FAM83B: variants seen among roughly 807,000 people sequenced by gnomAD.
FAM83B encodes the protein scaffolding CK1 anchoring protein B.
A neutral mutation model predicts 38.8 loss-of-function variants in FAM83B; 26 were observed. That is an observed-to-expected ratio of 0.67 (90% CI 0.49 to 0.93). The LOEUF is 0.93. Among genes scored for constraint, FAM83B ranks in the 40% least tolerant of loss-of-function variants. FAM83B has a pLI of 0.00. For missense variants in FAM83B, 1,237 were observed against 1,197.3 expected, an observed-to-expected ratio of 1.03 and a Z score of -0.49; for synonymous variants, 419 against 423.1, an observed-to-expected ratio of 0.99 and a Z score of 0.12.
chr6:54,859,186 T>G (rs994993330), intron 1 of FAM83B, among the ~76,000 whole-genome samples: 6 of 151,840 alleles, frequency 4.0e-5, no homozygotes, highest in Non-Finnish European at 5.9e-5. Context: ...CGCAGCCTCC[T>G]GAGTAGCTGG....
chr6:54,884,803 A>C (rs1465044436), intron 2 of FAM83B, among the ~76,000 whole-genome samples: 3 of 146,638 alleles, frequency 2.0e-5, no homozygotes, highest in Non-Finnish European at 4.5e-5. Context: ...AACGGAGTCT[A>C]GCTCTGTCGC....
At chr6:54,907,362 A>G (rs80028192) in intron 2 of FAM83B, among the ~76,000 whole-genome samples, 3,799 of 151,872 alleles carry the variant, frequency 0.025, 67 homozygotes, top group Middle Eastern at 0.075. Flanking sequence ...ATAAACAACC[A>G]CAAAGCTTTA....
At position 54,940,064 on chromosome 6, in the gene FAM83B, A is replaced by G. The variant is rs139474742; in HGVS notation, c.1093A>G (p.Asn365Asp). The G allele has an allele frequency of 7.4e-6, 12 of 1,613,918 alleles. No homozygotes were observed. Among genetic ancestry groups the G allele is most frequent in the Middle Eastern group, 1.6e-4 (1 of 6,080 alleles). The change falls in exon 5 of 5, where the codon AAC becomes GAC. Residue 365 changes from asparagine (N) to aspartate (D), a missense_variant. Asn to Asp is a conservative substitution (Grantham distance 23, BLOSUM62 1). Transcript: ENST00000306858. ...CGGATACAAACCTCATTTTGTTCCT[A>G]ACTTTAATGGTCCAAACGCAATACG... Reference protein sequence around the residue: ...SHGYKPHFVPNFNGPNAIRQF... With the variant: ...SHGYKPHFVPDFNGPNAIRQF...
Position 54,888,318 on chromosome 6 carries a change from T to A in FAM83B, c.444+17628T>A, listed in dbSNP as rs1277676165. ...ATATTCATTAGTTATATATACATAT[T>A]CACTTTAGCCAGAACAGCCAGTGCT... On this transcript the variant is annotated intron_variant, in intron 2 of 4. Coordinates refer to ENST00000306858, the MANE Select transcript of FAM83B (RefSeq NM_001010872.3). Among the ~76,000 whole-genome samples the A allele has an allele frequency of 3.9e-5, 6 of 151,978 alleles. No homozygotes were observed. The East Asian group carries it at 1.2e-3, about 29-fold the overall frequency.
In FAM83B at chr6:54,940,944, A is replaced by C. The variant is rs780276322; in HGVS notation, c.1973A>C (p.Asn658Thr). Residue 658 changes from asparagine (N) to threonine (T), a missense_variant, in exon 5 of 5, where the codon AAT becomes ACT. Asn to Thr is a moderately conservative substitution (Grantham distance 65). Coordinates refer to ENST00000306858, the MANE Select transcript of FAM83B (RefSeq NM_001010872.3). ...TENLKNQQTE[N>T]LLKRRSFPLF... ...AATCTAAAGAATCAACAGACTGAGAATCTACTTAAAAGGCGAAGTTTCCCG... is the reference window on the plus strand; with the variant it reads ...AATCTAAAGAATCAACAGACTGAGACTCTACTTAAAAGGCGAAGTTTCCCG... 1 of 1,613,470 alleles carries C rather than the reference A, an allele frequency of 6.2e-7. No individual in the cohort carries two copies. Among genetic ancestry groups the C allele is most frequent in the Non-Finnish European group, 8.5e-7 (1 of 1,179,870 alleles).
chr6:54,894,312 CTT>C (rs956425141), intron 2 of FAM83B, among the ~76,000 whole-genome samples: 16 of 147,592 alleles, frequency 1.1e-4, no homozygotes, highest in Non-Finnish European at 1.4e-4. Context: ...GTCCTAGGAA[CTT>C]TTTTTTTTTC....
intron 2 of FAM83B, among the ~76,000 whole-genome samples, chr6:54,900,031 T>C (rs1581910344): frequency 6.6e-6 from 1 of 152,332 alleles, no homozygotes; most frequent in Admixed American, 6.5e-5. Flanking sequence ...TATAGTTTAG[T>C]GATGATTACA....
rs1771330903 is a variant in FAM83B at position 54,852,596 on chromosome 6, A to G, written c.-61+5770A>G. 2.0e-5 allele frequency among the ~76,000 whole-genome samples: 3 copies of G among 152,364 alleles called. No homozygotes were observed. The South Asian group carries it at 6.2e-4, about 32-fold the overall frequency. On this transcript the variant is annotated intron_variant, in intron 1 of 4. Coordinates refer to ENST00000306858, the MANE Select transcript of FAM83B (RefSeq NM_001010872.3). ...ATGTTCAAGGGAATGGAAGAGTTGC[A>G]TGCCCTCATTTTAAATCAAAAGCTA...
intron 2 of FAM83B, among the ~76,000 whole-genome samples, chr6:54,884,838 T>TG (rs1196309400): frequency 6.6e-6 from 1 of 151,424 alleles, no homozygotes; most frequent in Admixed American, 6.6e-5. Context: ...AGTGGTGAGA[T>TG]CTGGGCTCAC....
chr6:54,878,073 C>A (rs568996373), intron 2 of FAM83B, among the ~76,000 whole-genome samples: 1 of 152,062 alleles, frequency 6.6e-6, no homozygotes, highest in African/African-American at 2.4e-5. Flanking sequence ...AAAGGAAATG[C>A]GTTTCTGAGT....
intron 2 of FAM83B, among the ~76,000 whole-genome samples, chr6:54,924,212 C>T (rs900719663): frequency 2.0e-5 from 3 of 151,482 alleles, no homozygotes; most frequent in South Asian, 4.2e-4. Context: ...CACACACACA[C>T]ACACGCACAC....
At chr6:54,918,519 T>C (rs1773097136) in intron 2 of FAM83B, among the ~76,000 whole-genome samples, 1 of 152,114 alleles carries the variant, frequency 6.6e-6, no homozygotes, top group African/African-American at 2.4e-5. Context: ...AAACATGTCC[T>C]CTTCACATGG....
intron 1 of FAM83B, among the ~76,000 whole-genome samples, chr6:54,867,533 T>G (rs934102476): frequency 2.6e-5 from 4 of 152,108 alleles, no homozygotes; most frequent in African/African-American, 9.6e-5. Context: ...TTGTATGTTT[T>G]GTATAATATA....
At chr6:54,931,133 C>T (rs549371862) in intron 4 of FAM83B, among the ~76,000 whole-genome samples, 1 of 152,208 alleles carries the variant, frequency 6.6e-6, no homozygotes, top group South Asian at 2.1e-4. Context: ...CCATTGATTT[C>T]TAGTTGTGTT....
At chr6:54,904,955 T>A (rs1336260400) in intron 2 of FAM83B, among the ~76,000 whole-genome samples, 2 of 151,812 alleles carry the variant, frequency 1.3e-5, no homozygotes, top group Non-Finnish European at 2.9e-5. Context: ...GGATGGGAGA[T>A]CAACGATCTG....
Position 54,926,526 on chromosome 6 carries a change from G to A in FAM83B, c.600G>A (p.Gln200=). 1 of 1,563,670 alleles carries A rather than the reference G, an allele frequency of 6.4e-7. No individual in the cohort carries two copies. The highest frequency in any genetic ancestry group is 8.7e-7 in the Non-Finnish European group (1 of 1,155,870). The change falls in exon 3 of 5, where the codon CAG becomes CAA. Residue 200 remains glutamine (Q), a synonymous_variant. Transcript: ENST00000306858. ...CTGAGAAACAAGGTTGTTCAGTTCAGCGTCTCAGGGTAAGAATTCTGTTTT... is the reference window on the plus strand; with the variant it reads ...CTGAGAAACAAGGTTGTTCAGTTCAACGTCTCAGGGTAAGAATTCTGTTTT... ...NMTEKQGCSV[Q]RLRNIRVRTV... is the part of the protein sequence containing the mutation.
chr6:54,918,355 AT>A (rs1012769577), intron 2 of FAM83B, among the ~76,000 whole-genome samples: 3 of 152,132 alleles, frequency 2.0e-5, no homozygotes, highest in Admixed American at 6.5e-5. Flanking sequence ...ACACATCTTT[AT>A]TTTAAAGAAC....
At chr6:54,886,308 T>C (rs1772272460) in intron 2 of FAM83B, among the ~76,000 whole-genome samples, 1 of 152,034 alleles carries the variant, frequency 6.6e-6, no homozygotes, top group African/African-American at 2.4e-5. Flanking sequence ...TAATGATTTT[T>C]TTTTGTTTTT....
chr6:54,859,911 C>T (rs1326882959), intron 1 of FAM83B, among the ~76,000 whole-genome samples: 1 of 152,124 alleles, frequency 6.6e-6, no homozygotes, highest in Non-Finnish European at 1.5e-5. Flanking sequence ...TGTTGAGGTA[C>T]TTCTTTTAAA....
Sources: gnomAD v4.1 joint callset for allele counts (sites outside exome capture counted in the v4.1 genomes callset) on GRCh38, gnomAD v4.1.1 for gene constraint, MANE v1.5 for transcripts, NCBI Gene and HGNC (gene_info 2026-07-23, HGNC 2026-07-21) for gene names.